The following AP4E1 variants were observed in gnomAD, a reference collection of about 807,000 sequenced individuals.
AP4E1 encodes AP-4 complex subunit epsilon-1.
Under a neutral mutation model 128.2 loss-of-function variants are expected in AP4E1, and 56 were observed. The observed-to-expected ratio is 0.44, with a 90% CI of 0.35 to 0.55. The LOEUF is 0.55. Ranked by LOEUF, AP4E1 falls within the 20% of genes least tolerant of loss-of-function variation. The pLI is 0.00. For synonymous variants in AP4E1, 484 were observed against 473.1 expected (o/e 1.02, Z -0.30); for missense variants, 1,324 against 1,307.7 (o/e 1.01, Z -0.19).
In AP4E1 at chr15:50,968,290, G is replaced by C. The variant is rs144792686; in HGVS notation, c.1879G>C (p.Gly627Arg). 1 of 1,613,294 alleles carries C rather than the reference G, an allele frequency of 6.2e-7. No homozygotes were observed. Among genetic ancestry groups the C allele is most frequent in the African/African-American group, 1.3e-5 (1 of 74,802 alleles). ...AGATGCTTCTTTATCTTTTCTGGAT[G>C]GTTTTGTGGCTGAAGGACTCAGTCA... ...VVDASLSFLD[G>R]FVAEGLSQGA... Residue 627 changes from glycine (G) to arginine (R), a missense_variant, in exon 15 of 21, where the codon GGT becomes CGT. Gly to Arg is a moderately radical substitution (Grantham distance 125, BLOSUM62 -2). Transcript: ENST00000261842.
chr15:50,926,066 A>G (rs1168340582), intron 5 of AP4E1, among the ~76,000 whole-genome samples: 2 of 152,010 alleles, frequency 1.3e-5, no homozygotes, highest in African/African-American at 4.8e-5. Flanking sequence ...AGACTGACTT[A>G]CTTTTCACTG....
chr15:50,999,809 G>A (rs1055742818), intron 19 of AP4E1, among the ~76,000 whole-genome samples: 4 of 151,554 alleles, frequency 2.6e-5, no homozygotes, highest in South Asian at 2.1e-4. Context: ...CCATTAACTC[G>A]TCATTTGGCA....
intron 20 of AP4E1, 109 bp from the exon 21 acceptor site, chr15:51,002,393 A>G: frequency 8.7e-7 from 1 of 1,153,642 alleles, no homozygotes. Flanking sequence ...GTGGTTAGTG[A>G]TATTGAGTAT....
intron 15 of AP4E1, among the ~76,000 whole-genome samples, chr15:50,974,883 A>G (rs2064531170): frequency 6.6e-6 from 1 of 152,156 alleles, no homozygotes; most frequent in Non-Finnish European, 1.5e-5. Flanking sequence ...AAAAAAAAAA[A>G]ACTATTGAGT....
chr15:50,963,634 A>G (rs1212966243), intron 14 of AP4E1, among the ~76,000 whole-genome samples: 1 of 152,202 alleles, frequency 6.6e-6, no homozygotes, highest in Non-Finnish European at 1.5e-5. Context: ...AGTAAGTTCT[A>G]GTGTTTGATG....
chr15:50,935,454 C>T (rs1334542457), intron 8 of AP4E1, among the ~76,000 whole-genome samples: 1 of 151,622 alleles, frequency 6.6e-6, no homozygotes, highest in Non-Finnish European at 1.5e-5. Flanking sequence ...AGAAAGTAGC[C>T]AAAAAAACTT....
At chr15:50,956,311 T>C (rs2064222428) in intron 13 of AP4E1, among the ~76,000 whole-genome samples, 1 of 152,174 alleles carries the variant, frequency 6.6e-6, no homozygotes, top group East Asian at 1.9e-4. Flanking sequence ...CTATTTCTTT[T>C]TCCTTCTCTT....
At chr15:50,987,402 C>A (rs1022731574) in intron 16 of AP4E1, among the ~76,000 whole-genome samples, 10 of 152,260 alleles carry the variant, frequency 6.6e-5, no homozygotes, top group East Asian at 3.9e-4. Flanking sequence ...GTTAGGGTGT[C>A]AATTTTAGAT....
At chr15:50,991,174 A>C (rs2064802092) in intron 16 of AP4E1, among the ~76,000 whole-genome samples, 1 of 152,192 alleles carries the variant, frequency 6.6e-6, no homozygotes, top group African/African-American at 2.4e-5. Context: ...GCAATCCCTG[A>C]AGGGGCTGAG....
At chr15:50,966,321 A>G (rs113914469) in intron 14 of AP4E1, among the ~76,000 whole-genome samples, 18 of 152,300 alleles carry the variant, frequency 1.2e-4, no homozygotes, top group African/African-American at 4.3e-4. Flanking sequence ...CATGGCTTGT[A>G]TTCATTTTGA....
intron 17 of AP4E1, among the ~76,000 whole-genome samples, chr15:50,995,713 C>G (rs554514233): frequency 6.6e-5 from 10 of 151,834 alleles, no homozygotes; most frequent in Non-Finnish European, 1.5e-4. Flanking sequence ...ACATTTTTTT[C>G]TGAGTATGCA....
chr15:50,912,750 C>A (rs990742887), intron 2 of AP4E1, among the ~76,000 whole-genome samples: 14 of 151,758 alleles, frequency 9.2e-5, no homozygotes, highest in African/African-American at 3.4e-4. Context: ...GCAACCTCTG[C>A]CTCCTGGATT....
chr15:50,965,923 T>C (rs534173624), intron 14 of AP4E1, among the ~76,000 whole-genome samples: 101 of 152,234 alleles, frequency 6.6e-4, no homozygotes, highest in African/African-American at 2.4e-3. Flanking sequence ...TAGAAAACTT[T>C]CTTTTTTTTT....
rs769386647 is a variant in AP4E1, at chr15:50,958,836, A to G, written c.1851+42A>G. 8.2e-6 allele frequency: 13 copies of G among 1,580,272 alleles called. No homozygotes were observed. In the Admixed American group the frequency reaches 2.0e-4, roughly 24 times the overall value. On this transcript the variant is annotated intron_variant, in intron 14 of 20. Transcript: ENST00000261842. ...CCATCTTTTTAAAAATTGCGTTGTC[A>G]TTAAACAGAGTAATTCTTGCATTTG...
chr15:51,002,574 A>T lies in AP4E1; in HGVS notation c.3326A>T (p.Asp1109Val), dbSNP rs1208898641. The T allele has an allele frequency of 6.2e-7, 1 of 1,614,170 alleles. No homozygotes were observed. Among genetic ancestry groups the T allele is most frequent in the Non-Finnish European group, 8.5e-7 (1 of 1,180,024 alleles). The part of the protein sequence containing the change: ...PCLLHCRVHA[D>V]VLALWFRSSC... ...TTACTGCATTGCCGAGTTCATGCAG[A>T]TGTATTAGCCCTGTGGTTCAGATCC... is the stretch of plus-strand genomic sequence containing the variant. The change falls in exon 21 of 21, where the codon GAT becomes GTT. Residue 1109 changes from aspartate to valine, a missense_variant. Asp to Val is a radical substitution (Grantham distance 152, BLOSUM62 -3). Coordinates refer to ENST00000261842, the MANE Select transcript of AP4E1 (RefSeq NM_007347.5).
chr15:50,919,919 A>G (rs1406922325), intron 3 of AP4E1, among the ~76,000 whole-genome samples: 1 of 151,730 alleles, frequency 6.6e-6, no homozygotes, highest in Non-Finnish European at 1.5e-5. Context: ...TCTACTAAGA[A>G]TACAAAGATT....
chr15:50,935,685 T>C (rs182344159), intron 8 of AP4E1, among the ~76,000 whole-genome samples: 17 of 152,318 alleles, frequency 1.1e-4, no homozygotes, highest in Non-Finnish European at 1.6e-4. Flanking sequence ...AGAGCATTAC[T>C]TTTTCTTTGA....
At chr15:50,985,564 G>A (rs1172217992) in intron 16 of AP4E1, among the ~76,000 whole-genome samples, 1 of 152,144 alleles carries the variant, frequency 6.6e-6, no homozygotes, top group East Asian at 1.9e-4. Context: ...TTATTAAATA[G>A]GGAATCCTTT....
At chr15:50,948,297 CTT>C (rs751130275) in intron 11 of AP4E1, 138 bp downstream of exon 11, 19 of 986,044 alleles carry the variant, frequency 1.9e-5, no homozygotes, top group Middle Eastern at 6.4e-4. Context: ...TCAAGCCTCT[CTT>C]GTCAGAAAAA....
Sources: allele counts gnomAD v4.1 joint callset (sites outside exome capture counted in the v4.1 genomes callset), GRCh38; gene constraint gnomAD v4.1.1; transcripts MANE v1.5; gene names NCBI Gene and HGNC (gene_info 2026-07-23, HGNC 2026-07-21).